Variants in NIBAN1 observed in about 807,000 individuals in gnomAD.
NIBAN1 encodes the protein niban apoptosis regulator 1.
In NIBAN1, 81 loss-of-function variants were observed where a neutral mutation model predicts 75.1. The ratio of observed to expected loss-of-function variants is 1.08; its 90% CI spans 0.90 to 1.30. The LOEUF (loss-of-function observed/expected upper bound fraction) is 1.30, where lower values mean the gene tolerates loss of function less well. Among genes scored for constraint, NIBAN1 ranks in the 50% most tolerant of loss-of-function variants. NIBAN1 has a pLI of 0.00. For missense variants in NIBAN1, 1,133 were observed against 1,128.1 expected (o/e 1.00, Z -0.06); for synonymous variants, 436 against 424.8 (o/e 1.03, Z -0.32).
chr1:184,952,731 A>C (rs901850786), intron 1 of NIBAN1, among the ~76,000 whole-genome samples: 1 of 152,222 alleles, frequency 6.6e-6, no homozygotes, highest in Non-Finnish European at 1.5e-5. Context: ...TTATAAGTTC[A>C]TCCTAAGTAA....
intron 10 of NIBAN1, 132 bp downstream of exon 10, chr1:184,807,942 C>T (rs770360416): frequency 2.0e-6 from 2 of 995,640 alleles, no homozygotes; most frequent in Non-Finnish European, 3.1e-6. Flanking sequence ...AACGTGTCCT[C>T]CCGCAACATG....
At chr1:184,880,735 A>G (rs149576449) in intron 5 of NIBAN1, among the ~76,000 whole-genome samples, 199 of 152,340 alleles carry the variant, frequency 1.3e-3, no homozygotes, top group African/African-American at 4.6e-3. Flanking sequence ...AGCTTTAACT[A>G]TAACCCATAA....
Position 184,968,068 on chromosome 1 carries a change from TGGCGGGGGCCTGTAG to T in NIBAN1, c.55+6219_55+6233del, listed in dbSNP as rs1658844687. ...AATACAAAAAATTAGCCGGGCGCGG[TGGCGGGGGCCTGTAG>T]TCCCAGCTACTGGGGAGGCTGAGGC... On this transcript the variant is annotated intron_variant, in intron 1 of 13. Transcript: ENST00000367511. Among the ~76,000 whole-genome samples, 2 of 54,596 alleles carry T rather than the reference TGGCGGGGGCCTGTAG, an allele frequency of 3.7e-5. 1 individual carries two copies. Among genetic ancestry groups the T allele is most frequent in the Non-Finnish European group, 9.5e-5 (2 of 20,946 alleles). The allele number at this position is 54,596 out of a possible 152,430, so 35.8% of individuals were successfully genotyped here.
intron 1 of NIBAN1, among the ~76,000 whole-genome samples, chr1:184,961,170 G>GC (rs1378690256): frequency 7.2e-6 from 1 of 138,342 alleles, no homozygotes; most frequent in Non-Finnish European, 1.5e-5. Context: ...CTGGGTTCAC[G>GC]CCATTCTCCT....
intron 1 of NIBAN1, among the ~76,000 whole-genome samples, chr1:184,940,787 G>C (rs890008557): frequency 6.6e-6 from 1 of 152,192 alleles, no homozygotes. Flanking sequence ...TCAGTTAATA[G>C]ATGAAATAGA....
intron 1 of NIBAN1, among the ~76,000 whole-genome samples, chr1:184,913,288 T>C (rs1657297981): frequency 6.6e-6 from 1 of 151,972 alleles, no homozygotes; most frequent in Admixed American, 6.6e-5. Flanking sequence ...TCCATAGGAA[T>C]TATACCGTTT....
intron 5 of NIBAN1, among the ~76,000 whole-genome samples, chr1:184,879,524 C>T (rs1464494491): frequency 1.3e-5 from 2 of 151,896 alleles, no homozygotes; most frequent in African/African-American, 4.8e-5. Flanking sequence ...TCGTAGGTGA[C>T]CAGGAAGCAA....
chr1:184,936,621 G>C (rs183513176), intron 1 of NIBAN1, among the ~76,000 whole-genome samples: 1 of 152,274 alleles, frequency 6.6e-6, no homozygotes, highest in East Asian at 1.9e-4. Context: ...GCCTATTCCA[G>C]CTTTGGTAGC....
chr1:184,961,704 T>C (rs531924207), intron 1 of NIBAN1, among the ~76,000 whole-genome samples: 1 of 152,236 alleles, frequency 6.6e-6, no homozygotes, highest in Non-Finnish European at 1.5e-5. Context: ...CAAATCATGA[T>C]AATTCCATAC....
intron 6 of NIBAN1, among the ~76,000 whole-genome samples, chr1:184,824,193 A>C (rs1041612871): frequency 2.0e-5 from 3 of 152,174 alleles, no homozygotes; most frequent in African/African-American, 7.2e-5. Context: ...TTCATGATCA[A>C]GGTATCAAAG....
chr1:184,861,516 G>C (rs976411902), intron 5 of NIBAN1, among the ~76,000 whole-genome samples: 1 of 151,444 alleles, frequency 6.6e-6, no homozygotes, highest in Admixed American at 6.6e-5. Flanking sequence ...AGACAGGAAG[G>C]GGGGAAGAGG....
At position 184,792,696 on chromosome 1, in the gene NIBAN1, C is replaced by A. The variant is rs921028234; in HGVS notation, c.*2281G>T. ...CTGCCTGACAGCAGGCCCCAAATAG[C>A]CCCAGCACAGCAGTGTTCTGGGTGT... On this transcript the variant is annotated 3_prime_UTR_variant, in exon 14 of 14. Coordinates refer to ENST00000367511, the MANE Select transcript of NIBAN1 (RefSeq NM_052966.4). 6.5e-6 allele frequency: 1 copy of A among 152,756 alleles called. No homozygotes were observed. The highest frequency in any genetic ancestry group is 2.4e-5 in the African/African-American group (1 of 41,472). 9.5% of individuals were successfully genotyped at this position (152,756 alleles called of 1,614,324 possible).
intron 5 of NIBAN1, among the ~76,000 whole-genome samples, chr1:184,841,497 A>G (rs1655286573): frequency 6.6e-6 from 1 of 152,258 alleles, no homozygotes; most frequent in Admixed American, 6.5e-5. Context: ...TTTAAAATAA[A>G]GAAAAAAGTG....
At chr1:184,860,672 T>C (rs1655793353) in intron 5 of NIBAN1, among the ~76,000 whole-genome samples, 1 of 152,188 alleles carries the variant, frequency 6.6e-6, no homozygotes, top group Non-Finnish European at 1.5e-5. Flanking sequence ...AATACCTCTG[T>C]CCCACTGATG....
intron 1 of NIBAN1, among the ~76,000 whole-genome samples, chr1:184,912,305 T>G (rs1054637153): frequency 6.6e-6 from 1 of 152,206 alleles, no homozygotes; most frequent in African/African-American, 2.4e-5. Context: ...ATACAATCAA[T>G]GCTGATGTGA....
chr1:184,830,050 A>C (rs915012398), intron 6 of NIBAN1, among the ~76,000 whole-genome samples: 1 of 152,230 alleles, frequency 6.6e-6, no homozygotes, highest in Non-Finnish European at 1.5e-5. Context: ...AGCCCCCAGC[A>C]CATTGCCCGG....
intron 1 of NIBAN1, among the ~76,000 whole-genome samples, chr1:184,908,620 C>T (rs1657162803): frequency 6.6e-6 from 1 of 152,110 alleles, no homozygotes; most frequent in African/African-American, 2.4e-5. Context: ...AATATATATG[C>T]CCATACATTT....
intron 5 of NIBAN1, among the ~76,000 whole-genome samples, chr1:184,875,386 G>T (rs2102293004): frequency 6.6e-6 from 1 of 152,272 alleles, no homozygotes; most frequent in Admixed American, 6.5e-5. Context: ...TCACATGTTG[G>T]CCAAAGCTGC....
At position 184,798,186 on chromosome 1, in the gene NIBAN1, A is replaced by G; in HGVS notation, c.1559T>C (p.Leu520Pro). Residue 520 changes from leucine to proline, a missense_variant, in exon 13 of 14, where the codon CTT becomes CCT. Leu to Pro is a moderately conservative substitution (Grantham distance 98). Coordinates refer to ENST00000367511, the MANE Select transcript of NIBAN1 (RefSeq NM_052966.4). ...AAAGATGAACTGCTCGTATTTCTGA[A>G]GCTCCTGGAGAGCAAGAGATTAGAA... is the stretch of plus-strand genomic sequence containing the variant. ...KALASTCKPELQKYEQFIFAD... is the reference protein window; with the variant it reads ...KALASTCKPEPQKYEQFIFAD... The G allele has an allele frequency of 1.3e-6, 2 of 1,592,486 alleles. No homozygotes were observed. Among genetic ancestry groups the G allele is most frequent in the Non-Finnish European group, 1.7e-6 (2 of 1,163,714 alleles).
Sources: gnomAD v4.1 joint callset for allele counts (sites outside exome capture counted in the v4.1 genomes callset) on GRCh38, gnomAD v4.1.1 for gene constraint, MANE v1.5 for transcripts, NCBI Gene and HGNC (gene_info 2026-07-23, HGNC 2026-07-21) for gene names.